KIT: variants seen among roughly 807,000 people sequenced by gnomAD.
KIT encodes mast/stem cell growth factor receptor Kit.
Under a neutral mutation model 105.7 loss-of-function variants are expected in KIT, and 16 were observed. The observed-to-expected ratio is 0.15, with a 90% CI of 0.10 to 0.23. The LOEUF (loss-of-function observed/expected upper bound fraction) is 0.23, where lower values mean the gene tolerates loss of function less well. KIT is among the 10% of genes least tolerant of loss of function. The probability of loss-of-function intolerance (pLI) is 1.00; values close to 1 mark genes in which losing one functional copy is unlikely to be tolerated. For synonymous variants in KIT, 438 were observed against 441.1 expected, an observed-to-expected ratio of 0.99 and a Z score of 0.09; for missense variants, 858 against 1,213.8, an observed-to-expected ratio of 0.71 and a Z score of 4.36.
At chr4:54,711,119 G>A (rs534777262) in intron 7 of KIT, among the ~76,000 whole-genome samples, 4 of 152,256 alleles carry the variant, frequency 2.6e-5, no homozygotes, top group South Asian at 4.1e-4. Context: ...GGACTAAAGC[G>A]ATCCTTCTGC....
intron 1 of KIT, among the ~76,000 whole-genome samples, chr4:54,684,779 G>T (rs1719196650): frequency 6.6e-6 from 1 of 152,206 alleles, no homozygotes; most frequent in South Asian, 2.1e-4. Context: ...CAGTTGCCAG[G>T]CCCTGCATCT....
At chr4:54,660,359 C>G (rs1357396404) in intron 1 of KIT, among the ~76,000 whole-genome samples, 2 of 152,154 alleles carry the variant, frequency 1.3e-5, no homozygotes, top group East Asian at 1.9e-4. Flanking sequence ...CATACCTTCC[C>G]CGTTTCGTTC....
At position 54,709,516 on chromosome 4, in the gene KIT, T is replaced by C. The variant is rs1161254751; in HGVS notation, c.1208T>C (p.Ile403Thr). 1 of 1,603,756 alleles carries C rather than the reference T, an allele frequency of 6.2e-7. No individual in the cohort carries two copies. Among genetic ancestry groups the C allele is most frequent in the Admixed American group, 1.7e-5 (1 of 60,018 alleles). Reference sequence around the variant, plus strand: ...TCCAATTCTGACGTCAATGCTGCCATAGCATTTAATGTTTATGTGAATAGT... The same window carrying C: ...TCCAATTCTGACGTCAATGCTGCCACAGCATTTAATGTTTATGTGAATAGT... ...LVSNSDVNAAIAFNVYVNTKP... is the reference protein window; with the variant it reads ...LVSNSDVNAATAFNVYVNTKP... Residue 403 changes from isoleucine to threonine, a missense_variant, in exon 7 of 21, where the codon ATA (isoleucine) becomes ACA (threonine). By Grantham distance (89) the Ile-to-Thr change is moderately conservative. Coordinates refer to ENST00000288135, the MANE Select transcript of KIT (RefSeq NM_000222.3).
intron 7 of KIT, among the ~76,000 whole-genome samples, chr4:54,716,882 T>C (rs1402182335): frequency 6.6e-6 from 1 of 152,224 alleles, no homozygotes; most frequent in East Asian, 1.9e-4. Context: ...TATACTGTGC[T>C]GGCTTTCAGG....
At position 54,738,201 on chromosome 4, in the gene KIT, G is replaced by A. The variant is rs569624581; in HGVS notation, c.2803-228G>A. ...GAAGAGCTAAGCTTGTGCATGTTTT[G>A]TCCCCACTTCTTGTATAAAGTTATT... On this transcript the variant is annotated intron_variant, in intron 20 of 20. Coordinates refer to ENST00000288135, the MANE Select transcript of KIT (RefSeq NM_000222.3). 2.1e-4 allele frequency among the ~76,000 whole-genome samples: 32 copies of A among 150,382 alleles called. No individual in the cohort carries two copies. The East Asian group carries it at 5.6e-3, about 26-fold the overall frequency.
intron 1 of KIT, among the ~76,000 whole-genome samples, chr4:54,679,034 C>T (rs570813956): frequency 6.6e-6 from 1 of 152,004 alleles, no homozygotes; most frequent in South Asian, 2.1e-4. Context: ...AGGGTGAGTT[C>T]CTCTGCCTCC....
intron 4 of KIT, among the ~76,000 whole-genome samples, chr4:54,702,167 C>T (rs1016204096): frequency 1.9e-4 from 29 of 152,044 alleles, no homozygotes; most frequent in African/African-American, 6.3e-4. Context: ...ACCTTAATAA[C>T]ATTAAAAAAT....
chr4:54,700,379 G>T (rs532216055), intron 4 of KIT, among the ~76,000 whole-genome samples: 2 of 152,126 alleles, frequency 1.3e-5, no homozygotes, highest in African/African-American at 4.8e-5. Flanking sequence ...GCATGCTTAC[G>T]TTCCCATTCA....
intron 1 of KIT, among the ~76,000 whole-genome samples, chr4:54,663,497 C>T (rs1354695653): frequency 3.3e-5 from 5 of 151,728 alleles, no homozygotes; most frequent in East Asian, 1.9e-4. Flanking sequence ...AAATTGAAAA[C>T]GTGTAAACAG....
intron 1 of KIT, 67 bp from the exon 2 acceptor site, chr4:54,695,445 T>C (rs778752424): frequency 3.9e-5 from 60 of 1,545,810 alleles, no homozygotes; most frequent in Non-Finnish European, 5.1e-5. Context: ...AACTCAGTAT[T>C]GGAAGAAGTG....
At chr4:54,736,401 A>C in intron 17 of KIT, 97 bp from the exon 18 acceptor site, 1 of 956,678 alleles carries the variant, frequency 1.0e-6, no homozygotes, top group East Asian at 2.4e-5. Context: ...TTATCACTCC[A>C]CATTTCAGCA....
At chr4:54,727,729 T>C (rs949730167) in intron 11 of KIT, 94 bp from the exon 12 acceptor site, 2 of 1,307,080 alleles carry the variant, frequency 1.5e-6, no homozygotes, top group Non-Finnish European at 2.2e-6. Flanking sequence ...AACATTGTTT[T>C]TAATTCCTTT....
chr4:54,727,730 T>C, intron 11 of KIT, 93 bp from the exon 12 acceptor site: 2 of 1,308,510 alleles, frequency 1.5e-6, no homozygotes, highest in Non-Finnish European at 2.2e-6. Flanking sequence ...ACATTGTTTT[T>C]AATTCCTTTA....
In KIT at chr4:54,698,503, G is replaced by A. The variant is rs2109674320; in HGVS notation, c.557G>A (p.Cys186Tyr). 1 of 1,614,186 alleles carries A rather than the reference G, an allele frequency of 6.2e-7. No individual in the cohort carries two copies. Among genetic ancestry groups the A allele is most frequent in the Non-Finnish European group, 8.5e-7 (1 of 1,180,040 alleles). The change falls in exon 3 of 21, where the codon TGT (cysteine) becomes TAT (tyrosine). Residue 186 changes from cysteine (C) to tyrosine (Y), a missense_variant. This residue lies in a region of KIT where 401 missense variants were observed against 601.0 expected (regional missense o/e 0.67). Coordinates refer to ENST00000288135, the MANE Select transcript of KIT (RefSeq NM_000222.3). ...GCCTACCATCGGCTCTGTCTGCATT[G>A]TTCTGTGGACCAGGAGGGCAAGTCA... ...KRAYHRLCLH[C>Y]SVDQEGKSVL...
In KIT at chr4:54,729,360, T is replaced by C. The variant is rs1060504653; in HGVS notation, c.2016T>C (p.Tyr672=). 1.2e-6 allele frequency: 2 copies of C among 1,613,762 alleles called. No individual in the cohort carries two copies. Among genetic ancestry groups the C allele is most frequent in the Non-Finnish European group, 1.7e-6 (2 of 1,179,760 alleles). Residue 672 remains tyrosine, a synonymous_variant, in exon 14 of 21, where the codon TAT becomes TAC. Coordinates refer to ENST00000288135, the MANE Select transcript of KIT (RefSeq NM_000222.3). ...IGGPTLVITE[Y]CCYGDLLNFL... is the part of the protein sequence containing the mutation. ...GGCCCACCCTGGTCATTACAGAATA[T>C]TGTTGCTATGGTGATCTTTTGAATT...
chr4:54,675,998 C>T (rs1456171788), intron 1 of KIT, among the ~76,000 whole-genome samples: 2 of 152,152 alleles, frequency 1.3e-5, no homozygotes, highest in Non-Finnish European at 2.9e-5. Flanking sequence ...GACTGGCTGC[C>T]AAAGCTTGTC....
intron 1 of KIT, among the ~76,000 whole-genome samples, chr4:54,688,562 G>A (rs960378261): frequency 1.3e-5 from 2 of 152,162 alleles, no homozygotes; most frequent in South Asian, 2.1e-4. Flanking sequence ...TGGAGCTTTA[G>A]CCTTTTGTGA....
chr4:54,723,185 A>G (rs1165953246), intron 7 of KIT, among the ~76,000 whole-genome samples: 1 of 152,160 alleles, frequency 6.6e-6, no homozygotes, highest in Non-Finnish European at 1.5e-5. Context: ...ATAACTTGAA[A>G]TTCCTAGGGC....
chr4:54,674,010 A>G (rs1718296235), intron 1 of KIT, among the ~76,000 whole-genome samples: 1 of 152,160 alleles, frequency 6.6e-6, no homozygotes, highest in South Asian at 2.1e-4. Flanking sequence ...AGCTCAGGCA[A>G]TTCAGCCGCC....
Sources: allele counts gnomAD v4.1 joint callset (sites outside exome capture counted in the v4.1 genomes callset), GRCh38; gene constraint gnomAD v4.1.1; regional missense constraint gnomAD v4.1.1; transcripts MANE v1.5; gene names NCBI Gene and HGNC (gene_info 2026-07-23, HGNC 2026-07-21).